The following UBN1 variants were observed in gnomAD, a reference collection of about 807,000 sequenced individuals.
UBN1 encodes the protein ubinuclein-1.
UBN1 carries 17 observed loss-of-function variants against 108.5 expected under a neutral mutation model. The observed-to-expected ratio is 0.16, with a 90% CI of 0.11 to 0.24. The LOEUF is 0.24. Among genes scored for constraint, UBN1 ranks in the 10% least tolerant of loss-of-function variants. UBN1 has a pLI of 1.00. For missense variants in UBN1, 1,595 were observed against 1,394.4 expected (o/e 1.14, Z -2.29); for synonymous variants, 726 against 564.2 (o/e 1.29, Z -4.07).
At chr16:4,870,048 A>G (rs907843602) in intron 8 of UBN1, among the ~76,000 whole-genome samples, 164 bp from the exon 9 acceptor site, 1 of 152,070 alleles carries the variant, frequency 6.6e-6, no homozygotes, top group Admixed American at 6.5e-5. Context: ...TTGTTTGTTG[A>G]TTGCTGAGGA....
chr16:4,858,810 A>G lies in UBN1; in HGVS notation c.432+147A>G, dbSNP rs114294127. 2.7e-4 allele frequency: 258 copies of G among 963,490 alleles called. 2 individuals are homozygous for G. In the African/African-American group the frequency reaches 3.9e-3, roughly 14 times the overall value. The allele number at this position is 963,490 out of a possible 1,614,324, so 59.7% of individuals were successfully genotyped here. A position where few individuals can be genotyped will look rare whatever the true frequency, so the allele number is the denominator to read the frequency against. On this transcript the variant is annotated intron_variant, in intron 4 of 17. Coordinates refer to ENST00000262376, the MANE Select transcript of UBN1 (RefSeq NM_001079514.3). The stretch of plus-strand genomic sequence containing the variant: ...CAGCACTGATGAGAGACGAAATGAC[A>G]TTCTTTATCCGGGTCTTAGTTCCCT...
At chr16:4,856,396 T>C (rs1350023869) in intron 2 of UBN1, among the ~76,000 whole-genome samples, 4 of 152,236 alleles carry the variant, frequency 2.6e-5, no homozygotes, top group African/African-American at 9.6e-5. Flanking sequence ...GTGCAGCAGT[T>C]CTTTTAGTGT....
chr16:4,880,103 A>G lies in UBN1; in HGVS notation c.3376A>G (p.Lys1126Glu). ...SLPGASQLHG[K>E]GPAVPRKL Reference sequence around the variant, plus strand: ...TCCAGGTGCTTCTCAGCTTCACGGGAAAGGGCCTGCTGTACCACGGAAATT... The same window carrying G: ...TCCAGGTGCTTCTCAGCTTCACGGGGAAGGGCCTGCTGTACCACGGAAATT... The change falls in exon 18 of 18, where the codon AAA becomes GAA. Residue 1126 changes from lysine to glutamate, a missense_variant. Physicochemically the swap from Lys to Glu is moderately conservative, Grantham distance 56 (BLOSUM62 1). Around this residue, in one of 3 missense-constraint regions of UBN1, gnomAD observed 1,398 missense variants for 1,194.7 expected, o/e 1.17. Coordinates refer to ENST00000262376, the MANE Select transcript of UBN1 (RefSeq NM_001079514.3). 6.2e-7 allele frequency: 1 copy of G among 1,613,992 alleles called. No individual in the cohort carries two copies.
At chr16:4,849,596 C>CTTTTT (rs372351491) in intron 1 of UBN1, among the ~76,000 whole-genome samples, 1 of 150,590 alleles carries the variant, frequency 6.6e-6, no homozygotes, top group African/African-American at 2.5e-5. Flanking sequence ...TTGTTTTTTT[C>CTTTTT]TTTTTTTTGT....
chr16:4,876,916 G>A lies in UBN1; in HGVS notation c.3070G>A (p.Ala1024Thr). ...TVLLAGSSLM[A>T]SPYKSSSPKL... ...GCTGCTGGCCGGCTCCTCTTTGATG[G>A]CTTCACCCTACAAATCCAGCAGCCC... Residue 1024 changes from alanine (A) to threonine (T), a missense_variant, in exon 16 of 18, where the codon GCT becomes ACT. Around this residue, in one of 3 missense-constraint regions of UBN1, gnomAD observed 1,398 missense variants for 1,194.7 expected, o/e 1.17. Coordinates refer to ENST00000262376, the MANE Select transcript of UBN1 (RefSeq NM_001079514.3). 6.2e-7 allele frequency: 1 copy of A among 1,613,832 alleles called. No homozygotes were observed. Among genetic ancestry groups the A allele is most frequent in the Non-Finnish European group, 8.5e-7 (1 of 1,179,862 alleles).
Position 4,864,857 on chromosome 16 carries a change from A to C in UBN1, c.1110+3755A>C, listed in dbSNP as rs1027651686. 3.3e-5 allele frequency among the ~76,000 whole-genome samples: 5 copies of C among 149,834 alleles called. No homozygotes were observed. The East Asian group carries it at 9.6e-4, about 29-fold the overall frequency. ...GGGAGAGATGGATCCAAAGAGAATAACGTAGGGGGAAAAAAAACGAAAACA... is the reference window on the plus strand; with the variant it reads ...GGGAGAGATGGATCCAAAGAGAATACCGTAGGGGGAAAAAAAACGAAAACA... On this transcript the variant is annotated intron_variant, in intron 7 of 17. Coordinates refer to ENST00000262376, the MANE Select transcript of UBN1 (RefSeq NM_001079514.3).
chr16:4,847,678 A>C lies in UBN1; in HGVS notation c.-572A>C. On this transcript the variant is annotated 5_prime_UTR_variant, in exon 1 of 18. Coordinates refer to ENST00000262376, the MANE Select transcript of UBN1 (RefSeq NM_001079514.3). ...TTGGTCCGGCGCGGGCCCCGGGGCC[A>C]TTCCCGAGCCCGAGGCGCTGGTCGG... 1 of 190,670 alleles carries C rather than the reference A, an allele frequency of 5.2e-6. No individual in the cohort carries two copies. The highest frequency in any genetic ancestry group is 1.1e-5 in the Non-Finnish European group (1 of 93,688). The allele number at this position is 190,670 out of a possible 1,614,324, so 11.8% of individuals were successfully genotyped here. A position where few individuals can be genotyped will look rare whatever the true frequency, so the allele number is the denominator to read the frequency against.
intron 4 of UBN1, 87 bp from the exon 5 acceptor site, chr16:4,858,938 C>T (rs1404996947): frequency 6.6e-7 from 1 of 1,515,220 alleles, no homozygotes; most frequent in African/African-American, 1.4e-5. Flanking sequence ...GGCAGAGGAG[C>T]ACAGTCACAT....
In UBN1 at chr16:4,882,126, C is replaced by T. The variant is rs2088091057; in HGVS notation, c.*1994C>T. 6.6e-6 allele frequency: 1 copy of T among 152,552 alleles called. No individual in the cohort carries two copies. Among genetic ancestry groups the T allele is most frequent in the Non-Finnish European group, 1.5e-5 (1 of 68,044 alleles). The allele number at this position is 152,552 out of a possible 1,614,324, so 9.4% of individuals were successfully genotyped here. On this transcript the variant is annotated 3_prime_UTR_variant, in exon 18 of 18. Transcript: ENST00000262376. ...GAATGACTGAACAGCCATGGCAAGG[C>T]AGACCTACAGGCGAGGCCGCAGCAG...
intron 7 of UBN1, 140 bp from the exon 8 acceptor site, chr16:4,868,693 T>G (rs2087456526): frequency 2.8e-6 from 2 of 704,604 alleles, no homozygotes; most frequent in Non-Finnish European, 2.4e-6. Context: ...AACCTGGGAC[T>G]AGGGTGGAGT....
intron 1 of UBN1, among the ~76,000 whole-genome samples, chr16:4,850,173 CATT>C (rs1428221201): frequency 1.3e-5 from 2 of 152,056 alleles, no homozygotes; most frequent in Non-Finnish European, 2.9e-5. Flanking sequence ...AACAGCAGAA[CATT>C]ATAATGATTA....
chr16:4,869,615 G>C (rs2087514360), intron 8 of UBN1, among the ~76,000 whole-genome samples: 1 of 152,230 alleles, frequency 6.6e-6, no homozygotes, highest in South Asian at 2.1e-4. Context: ...GCCTGGCCGG[G>C]ACCTGGATTG....
At chr16:4,862,801 G>C (rs918183292) in intron 7 of UBN1, among the ~76,000 whole-genome samples, 1 of 152,350 alleles carries the variant, frequency 6.6e-6, no homozygotes, top group East Asian at 1.9e-4. Context: ...GGGCTGTGGT[G>C]CAAGAAAGCG....
At chr16:4,863,651 C>A (rs971735118) in intron 7 of UBN1, among the ~76,000 whole-genome samples, 2 of 152,008 alleles carry the variant, frequency 1.3e-5, no homozygotes, top group Admixed American at 1.3e-4. Flanking sequence ...ATTGGGTAGA[C>A]TTTACATCTT....
At position 4,874,564 on chromosome 16, in the gene UBN1, T is replaced by C; in HGVS notation, c.2154T>C (p.Phe718=). 2 of 1,614,224 alleles carry C rather than the reference T, an allele frequency of 1.2e-6. No homozygotes were observed. Among genetic ancestry groups the C allele is most frequent in the African/African-American group, 1.3e-5 (1 of 75,052 alleles). ...TATGTACAGAAGAAAAAAGGAACTT[T>C]GCGAAGCCTAGTCCTTCTGCTCCAC... The part of the protein sequence containing the change: ...GVLCTEEKRN[F]AKPSPSAPPP... The change falls in exon 15 of 18, where the codon TTT becomes TTC. Residue 718 remains phenylalanine, a synonymous_variant. Coordinates refer to ENST00000262376, the MANE Select transcript of UBN1 (RefSeq NM_001079514.3).
Position 4,868,979 on chromosome 16 carries a change from A to C in UBN1, c.1181+76A>C, listed in dbSNP as rs2087473672. ...GCTTGGGGCAAGCCAGCTAGGGGAC[A>C]GTGGGAGTACAATTGAACTGCATAA... On this transcript the variant is annotated intron_variant, in intron 8 of 17. Coordinates refer to ENST00000262376, the MANE Select transcript of UBN1 (RefSeq NM_001079514.3). 9 of 1,499,410 alleles carry C rather than the reference A, an allele frequency of 6.0e-6. No individual in the cohort carries two copies. The Admixed American group carries it at 1.6e-4, about 26-fold the overall frequency. 92.9% of individuals were successfully genotyped at this position (1,499,410 alleles called of 1,614,324 possible). A position where few individuals can be genotyped will look rare whatever the true frequency, so the allele number is the denominator to read the frequency against.
chr16:4,858,860 G>C (rs781769723), intron 4 of UBN1, 165 bp from the exon 5 acceptor site: 1 of 1,053,892 alleles, frequency 9.5e-7, no homozygotes, highest in East Asian at 2.4e-5. Context: ...GACCAGATCT[G>C]TCCAAAACAC....
intron 14 of UBN1, 143 bp from the exon 15 acceptor site, chr16:4,874,068 C>T: frequency 9.4e-7 from 1 of 1,059,832 alleles, no homozygotes; most frequent in South Asian, 1.9e-5. Flanking sequence ...GGCACAGCTC[C>T]TGCTCTGTCC....
Position 4,861,053 on chromosome 16 carries a change from C to T in UBN1, c.1061C>T (p.Pro354Leu), listed in dbSNP as rs745399996. The change falls in exon 7 of 18, where the codon CCC becomes CTC. Residue 354 changes from proline to leucine, a missense_variant. Physicochemically the swap from Pro to Leu is moderately conservative, Grantham distance 98. Around this residue, in one of 3 missense-constraint regions of UBN1, gnomAD observed 1,398 missense variants for 1,194.7 expected, o/e 1.17. Transcript: ENST00000262376. ...DQEFRQPSSL[P>L]EGLPAPLEKR... The stretch of plus-strand genomic sequence containing the variant: ...GAATTCAGGCAGCCCTCTTCTCTCC[C>T]CGAAGGCCTGCCAGCACCCCTGGAG... 1.9e-6 allele frequency: 3 copies of T among 1,614,014 alleles called. No homozygotes were observed. In the Admixed American group the frequency reaches 5.0e-5, roughly 27 times the overall value.
Sources: gnomAD v4.1 joint callset for allele counts (sites outside exome capture counted in the v4.1 genomes callset) on GRCh38, gnomAD v4.1.1 for gene constraint, gnomAD v4.1.1 regional missense constraint, MANE v1.5 for transcripts, NCBI Gene and HGNC (gene_info 2026-07-23, HGNC 2026-07-21) for gene names.